The following CELF2 variants were observed in gnomAD, a reference collection of about 807,000 sequenced individuals.
CELF2 encodes CUGBP Elav-like family member 2, also known as CUG triplet repeat RNA-binding protein 2.
Under a neutral mutation model 62.6 loss-of-function variants are expected in CELF2, and 8 were observed. The ratio of observed to expected loss-of-function variants is 0.13; its 90% CI spans 0.07 to 0.23. The LOEUF is 0.23. Ranked by LOEUF, CELF2 falls within the 10% of genes least tolerant of loss-of-function variation. The probability of loss-of-function intolerance (pLI) is 1.00; values close to 1 mark genes in which losing one functional copy is unlikely to be tolerated. For synonymous variants in CELF2, 258 were observed against 250.0 expected, an observed-to-expected ratio of 1.03 and a Z score of -0.30; for missense variants, 333 against 671.0, an observed-to-expected ratio of 0.50 and a Z score of 5.56.
intron 1 of CELF2, among the ~76,000 whole-genome samples, chr10:10,906,751 A>C (rs2063379478): frequency 8.9e-6 from 1 of 112,994 alleles, no homozygotes; most frequent in Non-Finnish European, 1.6e-5. Flanking sequence ...ACGGAGTCTC[A>C]CTCTGTCGCC....
the CELF2 span, among the ~76,000 whole-genome samples, chr10:10,713,907 T>A: frequency 6.6e-6 from 1 of 152,050 alleles, no homozygotes; most frequent in Non-Finnish European, 1.5e-5. Flanking sequence ...TGGCGGCACG[T>A]GTCTGTAATC....
intron 2 of CELF2, among the ~76,000 whole-genome samples, chr10:10,979,252 C>T (rs2051749151): frequency 6.6e-6 from 1 of 152,204 alleles, no homozygotes; most frequent in Non-Finnish European, 1.5e-5. Context: ...GCCTTCTAAC[C>T]ACACAGCTGG....
intron 2 of CELF2, among the ~76,000 whole-genome samples, chr10:11,180,692 C>T (rs1023153817): frequency 6.6e-6 from 1 of 152,088 alleles, no homozygotes; most frequent in African/African-American, 2.4e-5. Flanking sequence ...GAGTACTCGC[C>T]ATGCGCTAGG....
chr10:10,848,944 G>T (rs568980819), intron 1 of CELF2, among the ~76,000 whole-genome samples: 1 of 152,072 alleles, frequency 6.6e-6, no homozygotes, highest in Non-Finnish European at 1.5e-5. Flanking sequence ...CAGGTACCTG[G>T]GTGAAGGGGA....
the CELF2 span, among the ~76,000 whole-genome samples, chr10:10,664,488 C>T: frequency 2.6e-5 from 4 of 152,200 alleles, no homozygotes; most frequent in Admixed American, 1.3e-4. Flanking sequence ...TACAAAGACA[C>T]CACGTGAATT....
intron 1 of CELF2, among the ~76,000 whole-genome samples, chr10:10,906,889 T>C (rs909819559): frequency 2.0e-5 from 3 of 151,984 alleles, no homozygotes; most frequent in African/African-American, 7.3e-5. Context: ...CAGCTAATTT[T>C]CGTATTTTTA....
Position 11,191,955 on chromosome 10 carries a change from T to C in CELF2, c.272-25470T>C, listed in dbSNP as rs993289428. 4.6e-5 allele frequency among the ~76,000 whole-genome samples: 7 copies of C among 152,182 alleles called. No individual in the cohort carries two copies. The highest frequency in any genetic ancestry group is 1.7e-4 in the African/African-American group (7 of 41,434). On this transcript the variant is annotated intron_variant, in intron 2 of 12. Coordinates refer to ENST00000633077, the MANE Select transcript of CELF2 (RefSeq NM_001326342.2). The surrounding 1 kb of genome is among the most constrained non-coding windows in gnomAD (Gnocchi z 4.1). Reference sequence around the variant, plus strand: ...AGGAACCTGGCAACCCCAGGGAATTTTCCTGACAAGTCAGTGTCATTTTAT... The same window carrying C: ...AGGAACCTGGCAACCCCAGGGAATTCTCCTGACAAGTCAGTGTCATTTTAT...
intron 10 of CELF2, chr10:11,320,923 G>A (rs1455222672): frequency 7.1e-6 from 11 of 1,548,520 alleles, no homozygotes; most frequent in East Asian, 2.4e-5. Context: ...CACGCTGCAT[G>A]GCATTGAGCT....
chr10:10,958,679 G>GA (rs765263101), intron 2 of CELF2, among the ~76,000 whole-genome samples: 30 of 151,994 alleles, frequency 2.0e-4, no homozygotes, highest in Non-Finnish European at 4.0e-4. Context: ...CTCATCTCTA[G>GA]AAAAAATTTA....
chr10:10,942,764 G>T (rs1323879425), intron 2 of CELF2, among the ~76,000 whole-genome samples: 4 of 152,202 alleles, frequency 2.6e-5, no homozygotes, highest in South Asian at 2.1e-4. Context: ...ATTGCTATAT[G>T]ATGGAGAGTT....
intron 1 of CELF2, among the ~76,000 whole-genome samples, chr10:10,814,426 T>A (rs2056252494): frequency 6.6e-6 from 1 of 152,128 alleles, no homozygotes; most frequent in Admixed American, 6.5e-5. Flanking sequence ...CCTCCCACAT[T>A]TTATTTTTAA....
At chr10:11,086,212 T>C (rs940012618) in intron 1 of CELF2, among the ~76,000 whole-genome samples, 2 of 152,112 alleles carry the variant, frequency 1.3e-5, no homozygotes, top group African/African-American at 2.4e-5. Context: ...CTTATAGCTA[T>C]AGGGCAGCTC....
chr10:10,490,648 A>T, the CELF2 span, among the ~76,000 whole-genome samples: 1 of 152,170 alleles, frequency 6.6e-6, no homozygotes, highest in South Asian at 2.1e-4. Context: ...CACACATTAC[A>T]TAAAATAAAG....
At chr10:11,215,505 C>T (rs764186542) in intron 2 of CELF2, among the ~76,000 whole-genome samples, 1 of 152,136 alleles carries the variant, frequency 6.6e-6, no homozygotes, top group Non-Finnish European at 1.5e-5. Context: ...TCCTTTATTT[C>T]AGCCAGTAAA....
the CELF2 span, among the ~76,000 whole-genome samples, chr10:10,544,113 G>A: frequency 3.9e-5 from 6 of 152,186 alleles, no homozygotes; most frequent in African/African-American, 1.2e-4. Flanking sequence ...ACCTATGAAC[G>A]TTCTGTTGCA....
chr10:10,992,184 C>G (rs747895120), intron 2 of CELF2, among the ~76,000 whole-genome samples: 1 of 152,202 alleles, frequency 6.6e-6, no homozygotes, highest in Non-Finnish European at 1.5e-5. Context: ...TATTCTTACA[C>G]TTATGAATCT....
Position 11,247,643 on chromosome 10 carries a change from G to A in CELF2, c.355-1510G>A, listed in dbSNP as rs954346742. ...CCCTGCCACACTGAGCACCTGAAGG[G>A]AGGACCTTCTTCACTGGCCTTTGTT... On this transcript the variant is annotated intron_variant, in intron 3 of 12. Coordinates refer to ENST00000633077, the MANE Select transcript of CELF2 (RefSeq NM_001326342.2). This position sits in a 1 kb window ranked among gnomAD's most constrained non-coding sequence, Gnocchi z 5.4. 6.6e-6 allele frequency among the ~76,000 whole-genome samples: 1 copy of A among 152,010 alleles called. No individual in the cohort carries two copies. Among genetic ancestry groups the A allele is most frequent in the Non-Finnish European group, 1.5e-5 (1 of 68,012 alleles).
intron 1 of CELF2, among the ~76,000 whole-genome samples, chr10:11,104,789 T>A (rs1454109318): frequency 6.6e-5 from 10 of 152,256 alleles, no homozygotes; most frequent in Admixed American, 3.3e-4. Flanking sequence ...TAATGCTCTT[T>A]GGAGTTGATA....
At chr10:10,600,791 A>T in the CELF2 span, among the ~76,000 whole-genome samples, 3 of 152,242 alleles carry the variant, frequency 2.0e-5, no homozygotes, top group Non-Finnish European at 1.5e-5. Context: ...CGAGTAGAAC[A>T]TACTATATGG....
Sources: allele counts gnomAD v4.1 joint callset (sites outside exome capture counted in the v4.1 genomes callset), GRCh38; gene constraint gnomAD v4.1.1; non-coding constraint Gnocchi (gnomAD v3.1); transcripts MANE v1.5; gene names NCBI Gene and HGNC (gene_info 2026-07-23, HGNC 2026-07-21).